CFAP74: variants seen among roughly 807,000 people sequenced by gnomAD.
The protein encoded by CFAP74 is cilia- and flagella-associated protein 74.
Under a neutral mutation model 188.9 loss-of-function variants are expected in CFAP74, and 124 were observed. The observed-to-expected ratio is 0.66, with a 90% CI of 0.57 to 0.76. The LOEUF is 0.76. CFAP74 is among the 30% of genes least tolerant of loss of function. The pLI is 0.00. For synonymous variants in CFAP74, 956 were observed against 916.7 expected (o/e 1.04, Z -0.77); for missense variants, 2,198 against 2,165.2 (o/e 1.02, Z -0.30).
At chr1:1,940,582 C>A (rs1289860244) in intron 22 of CFAP74, among the ~76,000 whole-genome samples, 179 bp from the exon 23 acceptor site, 1 of 152,218 alleles carries the variant, frequency 6.6e-6, no homozygotes, top group Admixed American at 6.5e-5. Context: ...GAGCACGTGG[C>A]CCCTGTGGCC....
Position 1,973,925 on chromosome 1 carries a change from G to A in CFAP74, c.674+100C>T, listed in dbSNP as rs1202104575. 4 of 1,188,070 alleles carry A rather than the reference G, an allele frequency of 3.4e-6. No homozygotes were observed. In the African/African-American group the frequency reaches 4.7e-5, roughly 14 times the overall value. 73.6% of individuals were successfully genotyped at this position (1,188,070 alleles called of 1,614,324 possible). Reference sequence around the variant, plus strand: ...GGGGTGGAGGTGGATCTGGACAGATGTGGAGGGCGAGGCTGAATCTGGAGA... The same window carrying A: ...GGGGTGGAGGTGGATCTGGACAGATATGGAGGGCGAGGCTGAATCTGGAGA... On this transcript the variant is annotated intron_variant, in intron 7 of 38. Coordinates refer to ENST00000682832, the MANE Select transcript of CFAP74 (RefSeq NM_001304360.2). The surrounding 1 kb of genome is among the most constrained non-coding windows in gnomAD (Gnocchi z 6.2).
chr1:1,987,005 C>G lies in CFAP74; in HGVS notation c.327G>C (p.Arg109=). The G allele has an allele frequency of 1.9e-6, 3 of 1,601,052 alleles. No individual in the cohort carries two copies. Among genetic ancestry groups the G allele is most frequent in the Non-Finnish European group, 2.5e-6 (3 of 1,178,500 alleles). Reference sequence around the variant, plus strand: ...CCTCCTGCTGCTTGTCGATCAGGTCCCGCCTCTGCCGACAGGCGCGCAGCT... The same window carrying G: ...CCTCCTGCTGCTTGTCGATCAGGTCGCGCCTCTGCCGACAGGCGCGCAGCT... The part of the protein sequence containing the change: ...RGELRACRQR[R]DLIDKQQEAV... Residue 109 remains arginine, a synonymous_variant, in exon 5 of 39, where the codon CGG becomes CGC. Coordinates refer to ENST00000682832, the MANE Select transcript of CFAP74 (RefSeq NM_001304360.2).
Position 1,982,722 on chromosome 1 carries a change from C to T in CFAP74, c.500+2664G>A, listed in dbSNP as rs529499593. Reference sequence around the variant, plus strand: ...AGGAGGGCGGCAGGTGGGCTCCGGGCGCTCGGGGCCGCCTGCGGGTAGGGA... The same window carrying T: ...AGGAGGGCGGCAGGTGGGCTCCGGGTGCTCGGGGCCGCCTGCGGGTAGGGA... On this transcript the variant is annotated intron_variant, in intron 6 of 38. Coordinates refer to ENST00000682832, the MANE Select transcript of CFAP74 (RefSeq NM_001304360.2). Among the ~76,000 whole-genome samples the T allele has an allele frequency of 5.3e-5, 8 of 152,312 alleles. No individual in the cohort carries two copies. The South Asian group carries it at 8.3e-4, about 16-fold the overall frequency.
chr1:1,922,202 G>C lies in CFAP74; in HGVS notation c.*85C>G, dbSNP rs1651434746. ...CTGGCAGAGGATGGCCAGGTCCCAG[G>C]CTCTAGGGTAGTATGACCTGGCCCT... On this transcript the variant is annotated 3_prime_UTR_variant, in exon 39 of 39. Transcript: ENST00000682832. 1 of 1,008,124 alleles carries C rather than the reference G, an allele frequency of 9.9e-7. No homozygotes were observed. The highest frequency in any genetic ancestry group is 1.5e-6 in the Non-Finnish European group (1 of 662,244). 62.4% of individuals were successfully genotyped at this position (1,008,124 alleles called of 1,614,324 possible). A position where few individuals can be genotyped will look rare whatever the true frequency, so the allele number is the denominator to read the frequency against.
rs374782053 is a variant in CFAP74 at position 1,970,756 on chromosome 1, C to T, written c.949G>A (p.Val317Ile). The change falls in exon 10 of 39, where the codon GTC (valine) becomes ATC (isoleucine). Residue 317 changes from valine (V) to isoleucine (I), a missense_variant. Transcript: ENST00000682832. ...RAKAELAEQR[V>I]QAEKKAILAQ... ...AGAATCGCCTTCTTCTCAGCCTGGA[C>T]CCTCTGCTCCGCCAGCTCTGCCTTG... The T allele has an allele frequency of 1.9e-6, 3 of 1,614,060 alleles. No homozygotes were observed. Among genetic ancestry groups the T allele is most frequent in the African/African-American group, 2.7e-5 (2 of 74,938 alleles).
intron 6 of CFAP74, among the ~76,000 whole-genome samples, chr1:1,974,420 G>A (rs527541071): frequency 2.0e-5 from 3 of 152,166 alleles, no homozygotes; most frequent in African/African-American, 4.8e-5. Flanking sequence ...AATCCAGCCC[G>A]GCTAGAGCCT....
Position 1,942,076 on chromosome 1 carries a change from T to C in CFAP74, c.2567A>G (p.Tyr856Cys), listed in dbSNP as rs1653418304. 6.5e-7 allele frequency: 1 copy of C among 1,532,964 alleles called. No individual in the cohort carries two copies. The highest frequency in any genetic ancestry group is 8.7e-7 in the Non-Finnish European group (1 of 1,145,702). The allele number at this position is 1,532,964 out of a possible 1,614,324, so 95.0% of individuals were successfully genotyped here. Residue 856 changes from tyrosine (Y) to cysteine (C), a missense_variant, in exon 22 of 39, where the codon TAT becomes TGT. Transcript: ENST00000682832. The surrounding 1 kb of genome is among the most constrained non-coding windows in gnomAD (Gnocchi z 4.3). ...GGAGTAGGACGACTGTGCCTGGATATAGCCTGTCTTGGGCAGGAGCTCCAG... is the reference window on the plus strand; with the variant it reads ...GGAGTAGGACGACTGTGCCTGGATACAGCCTGTCTTGGGCAGGAGCTCCAG... ...AHLELLPKTG[Y>C]IQAQSSYSVQ...
At position 1,970,835 on chromosome 1, in the gene CFAP74, T is replaced by C. The variant is rs761325571; in HGVS notation, c.889-19A>G. Reference sequence around the variant, plus strand: ...GTGTGTCCTTGGAAACAGAGAGCACTGAGATGACAGCAGCAGCACCCACGG... The same window carrying C: ...GTGTGTCCTTGGAAACAGAGAGCACCGAGATGACAGCAGCAGCACCCACGG... On this transcript the variant is annotated intron_variant, in intron 9 of 38. Coordinates refer to ENST00000682832, the MANE Select transcript of CFAP74 (RefSeq NM_001304360.2). The C allele has an allele frequency of 1.9e-6, 3 of 1,613,044 alleles. No individual in the cohort carries two copies. The highest frequency in any genetic ancestry group is 2.2e-5 in the East Asian group (1 of 44,892).
intron 18 of CFAP74, among the ~76,000 whole-genome samples, chr1:1,948,421 A>ATATG (rs1653934393): frequency 6.7e-6 from 1 of 148,270 alleles, no homozygotes; most frequent in South Asian, 2.1e-4. Flanking sequence ...AAATATATAT[A>ATATG]TATATATTTA....
intron 24 of CFAP74, 119 bp from the exon 25 acceptor site, chr1:1,939,107 G>A (rs1398256695): frequency 1.0e-5 from 11 of 1,091,366 alleles, no homozygotes; most frequent in Non-Finnish European, 1.4e-5. Context: ...CGAATGTGAG[G>A]GTGAGAGTGT....
chr1:1,938,053 CACTCA>C (rs1653030734), intron 25 of CFAP74, among the ~76,000 whole-genome samples: 1 of 103,846 alleles, frequency 9.6e-6, no homozygotes, highest in Non-Finnish European at 2.1e-5. Context: ...CATGCACTCA[CACTCA>C]ACCTTACACA....
At position 1,955,116 on chromosome 1, in the gene CFAP74, G is replaced by A. The variant is rs185428026; in HGVS notation, c.2176+575C>T. ...GGCTGTGGAGAACCGGCCCAGCTCC[G>A]CGCTGAGCTGCAGGGCGTGCGGAAC... On this transcript the variant is annotated intron_variant, in intron 18 of 38. Coordinates refer to ENST00000682832, the MANE Select transcript of CFAP74 (RefSeq NM_001304360.2). 4.4e-4 allele frequency: 513 copies of A among 1,170,868 alleles called. 4 individuals are homozygous for A. In the African/African-American group the frequency reaches 7.9e-3, roughly 18 times the overall value. The allele number at this position is 1,170,868 out of a possible 1,614,324, so 72.5% of individuals were successfully genotyped here.
intron 25 of CFAP74, among the ~76,000 whole-genome samples, chr1:1,938,050 TCA>T (rs1653029713): frequency 9.7e-6 from 1 of 103,012 alleles, no homozygotes; most frequent in Non-Finnish European, 2.1e-5. Context: ...ATACATGCAC[TCA>T]CACTCAACCT....
At chr1:1,950,919 G>A (rs1327377331) in intron 18 of CFAP74, among the ~76,000 whole-genome samples, 2 of 151,832 alleles carry the variant, frequency 1.3e-5, no homozygotes, top group African/African-American at 4.8e-5. Flanking sequence ...GTTTTTTTCG[G>A]GGGGGAATTT....
At chr1:1,971,646 T>C (rs1656084059) in intron 9 of CFAP74, among the ~76,000 whole-genome samples, 1 of 152,230 alleles carries the variant, frequency 6.6e-6, no homozygotes, top group South Asian at 2.1e-4. Context: ...TTTCCCAGCC[T>C]GAATCCCCAG....
At chr1:1,927,478 G>A (rs1651999017) in intron 28 of CFAP74, 129 bp downstream of exon 28, 4 of 885,880 alleles carry the variant, frequency 4.5e-6, no homozygotes, top group East Asian at 2.7e-5. Context: ...TGTGTCTGAA[G>A]GCATCAGTCC....
At chr1:1,957,636 C>T (rs941533) in intron 16 of CFAP74, among the ~76,000 whole-genome samples, 36,956 of 152,176 alleles carry the variant, frequency 0.24, 4,708 homozygotes, top group Non-Finnish European at 0.27. Context: ...GCCGGGGCAG[C>T]TCTGGCCAGG....
intron 25 of CFAP74, 118 bp from the exon 26 acceptor site, chr1:1,930,454 C>G: frequency 1.0e-6 from 1 of 988,532 alleles, no homozygotes. Flanking sequence ...GGGACATGCA[C>G]GTTCCTGCTG....
At chr1:1,943,731 T>C (rs537696001) in intron 21 of CFAP74, among the ~76,000 whole-genome samples, 1 of 152,304 alleles carries the variant, frequency 6.6e-6, no homozygotes, top group East Asian at 1.9e-4. Context: ...CTGTGGCTGC[T>C]GAAAGGATTT....
Sources: allele counts gnomAD v4.1 joint callset (sites outside exome capture counted in the v4.1 genomes callset), GRCh38; gene constraint gnomAD v4.1.1; non-coding constraint Gnocchi (gnomAD v3.1); transcripts MANE v1.5; gene names NCBI Gene and HGNC (gene_info 2026-07-23, HGNC 2026-07-21).